Variants in FANCM observed in about 807,000 individuals in gnomAD.
The protein encoded by FANCM is Fanconi anemia group M protein.
FANCM carries 140 observed loss-of-function variants against 199.5 expected under a neutral mutation model. The ratio of observed to expected loss-of-function variants is 0.70; its 90% confidence interval spans 0.61 to 0.81. FANCM has a LOEUF of 0.81. FANCM is among the 30% of genes least tolerant of loss of function. The probability of loss-of-function intolerance (pLI) is 0.00; values close to 1 mark genes in which losing one functional copy is unlikely to be tolerated. For missense variants in FANCM, 2,410 were observed against 2,421.4 expected (o/e 1.00, Z 0.10); for synonymous variants, 840 against 836.8 (o/e 1.00, Z -0.07).
intron 4 of FANCM, among the ~76,000 whole-genome samples, chr14:45,150,272 G>T (rs897465884): frequency 6.6e-6 from 1 of 152,078 alleles, no homozygotes; most frequent in Non-Finnish European, 1.5e-5. Flanking sequence ...AAGTCTTTTT[G>T]TAATTGTCTC....
chr14:45,187,814 T>C lies in FANCM; in HGVS notation c.4706T>C (p.Leu1569Ser), dbSNP rs1889500921. The change falls in exon 19 of 23, where the codon TTG becomes TCG. Residue 1569 changes from leucine (L) to serine (S), a missense_variant. Leu to Ser is a moderately radical substitution (Grantham distance 145). Transcript: ENST00000267430. ...ATGAGAGCTATTTACATGAAATCTT[T>C]GCGTAGTCCAATGATGAACAATAAG... The part of the protein sequence containing the change: ...SEMRAIYMKS[L>S]RSPMMNNKYK... 1 of 1,583,888 alleles carries C rather than the reference T, an allele frequency of 6.3e-7. No homozygotes were observed.
In FANCM at chr14:45,135,964, G is replaced by C; in HGVS notation, c.-68G>C. 6.4e-7 allele frequency: 1 copy of C among 1,553,222 alleles called. No homozygotes were observed. The highest frequency in any genetic ancestry group is 8.9e-7 in the Non-Finnish European group (1 of 1,128,430). ...TGTGCGAAGGAAACCGATGGGGATC[G>C]GAACCGTAGCGGTTGAGCTGCTGCT... is the stretch of plus-strand genomic sequence containing the variant. On this transcript the variant is annotated 5_prime_UTR_variant, in exon 1 of 23. Coordinates refer to ENST00000267430, the MANE Select transcript of FANCM (RefSeq NM_020937.4).
intron 20 of FANCM, among the ~76,000 whole-genome samples, chr14:45,192,992 G>A (rs1485596316): frequency 2.6e-5 from 4 of 152,152 alleles, no homozygotes; most frequent in African/African-American, 9.7e-5. Flanking sequence ...TCACAAAAAA[G>A]ACTGAGAATG....
rs777544472 is a variant in FANCM at position 45,181,413 on chromosome 14, T to A, written c.4223-17T>A. 2.8e-6 allele frequency: 4 copies of A among 1,412,186 alleles called. No homozygotes were observed. The South Asian group carries it at 4.7e-5, about 17-fold the overall frequency. 87.5% of individuals were successfully genotyped at this position (1,412,186 alleles called of 1,614,324 possible). ...TAAATCTATTAACCATTCATTATTT[T>A]AAAAAATAAATTATAGATGGACAAT... On this transcript the variant is annotated splice_polypyrimidine_tract_variant and intron_variant, in intron 14 of 22. Coordinates refer to ENST00000267430, the MANE Select transcript of FANCM (RefSeq NM_020937.4).
rs745858902 is a variant in FANCM, at chr14:45,181,667, C to T, written c.4348C>T (p.Leu1450Phe). Residue 1450 changes from leucine to phenylalanine, a missense_variant, in exon 16 of 23, where the codon CTT becomes TTT. Transcript: ENST00000267430. ...DQKNSEVDSP[L>F]HAVKKRRFPI... ...GAAAAATAGTGAAGTTGATTCTCCACTTCATGCTGTCAAAAAGCGCAGATT... is the reference window on the plus strand; with the variant it reads ...GAAAAATAGTGAAGTTGATTCTCCATTTCATGCTGTCAAAAAGCGCAGATT... The T allele has an allele frequency of 1.9e-6, 3 of 1,611,502 alleles. No homozygotes were observed. The highest frequency in any genetic ancestry group is 2.2e-5 in the South Asian group (2 of 90,982).
chr14:45,144,496 G>C (rs573150396), intron 3 of FANCM, among the ~76,000 whole-genome samples: 79 of 152,252 alleles, frequency 5.2e-4, no homozygotes, highest in African/African-American at 1.6e-3. Context: ...ACTAGAGTCA[G>C]AAACCTTAGA....
chr14:45,172,468 GGCTTGCCA>G (rs751902144), intron 12 of FANCM, among the ~76,000 whole-genome samples: 1 of 152,082 alleles, frequency 6.6e-6, no homozygotes, highest in Non-Finnish European at 1.5e-5. Flanking sequence ...TTCTGCATGT[GGCTTGCCA>G]GTTATCCCAG....
At chr14:45,174,384 C>G in intron 13 of FANCM, among the ~76,000 whole-genome samples, 1 of 140,426 alleles carries the variant, frequency 7.1e-6, no homozygotes, top group East Asian at 2.0e-4. Context: ...GAGACTTTGT[C>G]TAAAAAAAAA....
At position 45,175,465 on chromosome 14, in the gene FANCM, A is replaced by G. The variant is rs1162735632; in HGVS notation, c.2711A>G (p.Asp904Gly). The change falls in exon 14 of 23, where the codon GAT becomes GGT. Residue 904 changes from aspartate to glycine, a missense_variant. By Grantham distance (94) the Asp-to-Gly change is moderately conservative. Coordinates refer to ENST00000267430, the MANE Select transcript of FANCM (RefSeq NM_020937.4). ...LPNDKRTSDT[D>G]EIAATCTINE... is the part of the protein sequence containing the mutation. ...AATGATAAAAGGACATCAGATACAGATGAAATTGCTGCCACATGTACTATT... is the reference window on the plus strand; with the variant it reads ...AATGATAAAAGGACATCAGATACAGGTGAAATTGCTGCCACATGTACTATT... 2.5e-6 allele frequency: 4 copies of G among 1,608,620 alleles called. No homozygotes were observed. Among genetic ancestry groups the G allele is most frequent in the Non-Finnish European group, 3.4e-6 (4 of 1,177,524 alleles).
chr14:45,156,870 A>T (rs1162380868), intron 8 of FANCM, among the ~76,000 whole-genome samples: 1 of 141,984 alleles, frequency 7.0e-6, no homozygotes, highest in African/African-American at 2.7e-5. Context: ...GTAAGCCAAG[A>T]TTGCGCCACT....
chr14:45,196,131 G>C, intron 20 of FANCM, 41 bp from the exon 21 acceptor site: 1 of 1,610,248 alleles, frequency 6.2e-7, no homozygotes, highest in Non-Finnish European at 8.5e-7. Context: ...GCATTTTTAT[G>C]CATTTAACCT....
intron 3 of FANCM, among the ~76,000 whole-genome samples, chr14:45,145,887 G>A (rs1489677612): frequency 5.3e-5 from 8 of 151,580 alleles, no homozygotes; most frequent in Non-Finnish European, 1.0e-4. Flanking sequence ...GTGAAACCCC[G>A]TCTCTACTAA....
chr14:45,140,931 C>T (rs1885875786), intron 3 of FANCM, among the ~76,000 whole-genome samples: 1 of 152,018 alleles, frequency 6.6e-6, no homozygotes, highest in South Asian at 2.1e-4. Flanking sequence ...CCCAGCTACT[C>T]CAGAGGCTGA....
At chr14:45,181,319 T>A in intron 14 of FANCM, 111 bp from the exon 15 acceptor site, 1 of 658,064 alleles carries the variant, frequency 1.5e-6, no homozygotes, top group South Asian at 2.0e-5. Flanking sequence ...AGTGAATAAA[T>A]GTTGAGATTG....
intron 18 of FANCM, among the ~76,000 whole-genome samples, chr14:45,186,384 C>T (rs1269099657): frequency 2.6e-5 from 4 of 152,312 alleles, no homozygotes; most frequent in Admixed American, 6.5e-5. Flanking sequence ...AATGCTTGAA[C>T]GGATCTTACA....
chr14:45,197,203 G>C (rs1890106631), intron 21 of FANCM, among the ~76,000 whole-genome samples: 2 of 152,126 alleles, frequency 1.3e-5, no homozygotes, highest in African/African-American at 4.8e-5. Context: ...TGGCTTCTCT[G>C]TGTGATATTG....
intron 14 of FANCM, among the ~76,000 whole-genome samples, chr14:45,180,597 C>T (rs1455355740): frequency 6.6e-6 from 1 of 152,060 alleles, no homozygotes; most frequent in Non-Finnish European, 1.5e-5. Flanking sequence ...GCCACCACAC[C>T]CAGCTAATTA....
intron 14 of FANCM, among the ~76,000 whole-genome samples, chr14:45,179,413 G>A (rs1393200236): frequency 5.3e-5 from 8 of 152,010 alleles, no homozygotes; most frequent in Admixed American, 2.6e-4. Context: ...AGGAGAGGCC[G>A]GGAGTTTTCA....
At position 45,135,975 on chromosome 14, in the gene FANCM, G is replaced by C; in HGVS notation, c.-57G>C. 6.3e-7 allele frequency: 1 copy of C among 1,587,990 alleles called. No individual in the cohort carries two copies. The highest frequency in any genetic ancestry group is 8.6e-7 in the Non-Finnish European group (1 of 1,159,076). On this transcript the variant is annotated 5_prime_UTR_variant, in exon 1 of 23. Transcript: ENST00000267430. ...AACCGATGGGGATCGGAACCGTAGC[G>C]GTTGAGCTGCTGCTGCTACGGATAT...
Sources: allele counts gnomAD v4.1 joint callset (sites outside exome capture counted in the v4.1 genomes callset), GRCh38; gene constraint gnomAD v4.1.1; transcripts MANE v1.5; gene names NCBI Gene and HGNC (gene_info 2026-07-23, HGNC 2026-07-21).